Variants in MMP16 observed in about 807,000 individuals in gnomAD.
MMP16 encodes matrix metalloproteinase-16.
Under a neutral mutation model 67.8 loss-of-function variants are expected in MMP16, and 12 were observed. The observed-to-expected ratio is 0.18, with a 90% CI of 0.11 to 0.29. MMP16 has a LOEUF of 0.29. Ranked by LOEUF, MMP16 falls within the 10% of genes least tolerant of loss-of-function variation. The pLI is 1.00. For missense variants in MMP16, 475 were observed against 765.7 expected (o/e 0.62, Z 4.48); for synonymous variants, 249 against 255.9 (o/e 0.97, Z 0.26).
At chr8:88,165,845 A>C (rs886373799) in intron 4 of MMP16, among the ~76,000 whole-genome samples, 2 of 152,138 alleles carry the variant, frequency 1.3e-5, no homozygotes, top group Non-Finnish European at 2.9e-5. Context: ...GCATGTAAAC[A>C]TAAGTCTGTT....
chr8:88,089,554 T>C (rs2118339059), intron 6 of MMP16, among the ~76,000 whole-genome samples: 1 of 151,922 alleles, frequency 6.6e-6, no homozygotes. Context: ...GACATGATCA[T>C]TGAAGTAGAA....
At chr8:88,275,017 T>C (rs948436981) in intron 1 of MMP16, among the ~76,000 whole-genome samples, 1 of 151,980 alleles carries the variant, frequency 6.6e-6, no homozygotes, top group Non-Finnish European at 1.5e-5. Flanking sequence ...CAAAAGATTA[T>C]TGTCTTCTAA....
chr8:88,217,043 C>T (rs1482353304), intron 1 of MMP16, among the ~76,000 whole-genome samples: 1 of 152,008 alleles, frequency 6.6e-6, no homozygotes, highest in Non-Finnish European at 1.5e-5. Flanking sequence ...CTGTCTCTGA[C>T]TCAAACAACT....
intron 6 of MMP16, among the ~76,000 whole-genome samples, chr8:88,087,094 T>C (rs900222040): frequency 2.6e-5 from 4 of 151,822 alleles, no homozygotes; most frequent in African/African-American, 9.7e-5. Flanking sequence ...TCCCAGAAAC[T>C]CTTTCTTAGG....
At chr8:88,130,691 T>C (rs980892007) in intron 4 of MMP16, among the ~76,000 whole-genome samples, 1 of 151,606 alleles carries the variant, frequency 6.6e-6, no homozygotes, top group African/African-American at 2.4e-5. Context: ...TCAAATGTTC[T>C]GAGGAATGTT....
At chr8:88,185,319 C>T (rs1316599474) in intron 3 of MMP16, among the ~76,000 whole-genome samples, 1 of 151,908 alleles carries the variant, frequency 6.6e-6, no homozygotes, top group Non-Finnish European at 1.5e-5. Flanking sequence ...GTTAGCTGGG[C>T]ATGGTGGTGC....
chr8:88,275,078 A>G (rs1810624900), intron 1 of MMP16, among the ~76,000 whole-genome samples: 1 of 152,002 alleles, frequency 6.6e-6, no homozygotes, highest in Non-Finnish European at 1.5e-5. Context: ...CCATAGTTAA[A>G]TCAATGGTTA....
intron 1 of MMP16, among the ~76,000 whole-genome samples, chr8:88,230,208 G>A (rs1381136744): frequency 2.6e-5 from 4 of 151,966 alleles, no homozygotes; most frequent in East Asian, 1.9e-4. Context: ...TACACCCCTC[G>A]GTTTCTCATT....
At chr8:88,289,820 A>G (rs528369146) in intron 1 of MMP16, among the ~76,000 whole-genome samples, 1 of 152,088 alleles carries the variant, frequency 6.6e-6, no homozygotes, top group South Asian at 2.1e-4. Flanking sequence ...AAAAAAATTC[A>G]CAAGTGTTAG....
At chr8:88,192,664 G>A (rs1809189125) in intron 2 of MMP16, among the ~76,000 whole-genome samples, 1 of 152,102 alleles carries the variant, frequency 6.6e-6, no homozygotes, top group South Asian at 2.1e-4. Flanking sequence ...TGGCAATTTA[G>A]ACAAAAGAAT....
chr8:88,056,833 A>G (rs1808338880), intron 7 of MMP16, among the ~76,000 whole-genome samples: 1 of 152,046 alleles, frequency 6.6e-6, no homozygotes. Flanking sequence ...AACTCTATTC[A>G]TGTCTTTAAG....
intron 7 of MMP16, among the ~76,000 whole-genome samples, chr8:88,059,550 A>G (rs1808370956): frequency 6.6e-6 from 1 of 152,234 alleles, no homozygotes; most frequent in South Asian, 2.1e-4. Context: ...CATCAGAAAC[A>G]TCCTTGTTCC....
chr8:88,156,137 A>C (rs2129662735), intron 4 of MMP16, among the ~76,000 whole-genome samples: 1 of 152,268 alleles, frequency 6.6e-6, no homozygotes, highest in African/African-American at 2.4e-5. Flanking sequence ...ATCTTTGATT[A>C]AGGCTGATGA....
intron 7 of MMP16, among the ~76,000 whole-genome samples, chr8:88,061,165 CACACA>C (rs1586129105): frequency 1.4e-5 from 2 of 143,952 alleles, no homozygotes; most frequent in Non-Finnish European, 3.1e-5. Context: ...CACACACACA[CACACA>C]CCCCTCATCC....
rs1809188834 is a variant in MMP16 at position 88,103,833 on chromosome 8, A to G, written c.1083+12674T>C. Among the ~76,000 whole-genome samples the G allele has an allele frequency of 4.0e-5, 6 of 151,796 alleles. No homozygotes were observed. In the South Asian group the frequency reaches 1.2e-3, roughly 31 times the overall value. On this transcript the variant is annotated intron_variant, in intron 6 of 9. Transcript: ENST00000286614. ...CACCATAGTACCTACAAAACAGCAA[A>G]ACTGTTACATAAACAAAATAAGTGG...
intron 7 of MMP16, among the ~76,000 whole-genome samples, chr8:88,073,387 G>A (rs997934299): frequency 6.6e-6 from 1 of 152,160 alleles, no homozygotes; most frequent in Non-Finnish European, 1.5e-5. Flanking sequence ...TTTACATGTA[G>A]TAATTAATTT....
intron 1 of MMP16, among the ~76,000 whole-genome samples, chr8:88,207,996 CT>C (rs1415404163): frequency 5.3e-5 from 8 of 152,234 alleles, no homozygotes; most frequent in African/African-American, 1.9e-4. Context: ...AAAGGTTTGG[CT>C]TACAAAATGT....
intron 1 of MMP16, among the ~76,000 whole-genome samples, chr8:88,229,323 G>A (rs917876194): frequency 2.0e-5 from 3 of 151,950 alleles, no homozygotes; most frequent in Admixed American, 6.6e-5. Flanking sequence ...TGAGATGACC[G>A]CATTCAATGA....
chr8:88,222,512 A>G (rs140117075), intron 1 of MMP16, among the ~76,000 whole-genome samples: 8,919 of 152,190 alleles, frequency 0.059, 299 homozygotes, highest in African/African-American at 0.08. Flanking sequence ...AGACCAATGG[A>G]ACAGAACAGA....
Sources: allele counts gnomAD v4.1 joint callset (sites outside exome capture counted in the v4.1 genomes callset), GRCh38; gene constraint gnomAD v4.1.1; transcripts MANE v1.5; gene names NCBI Gene and HGNC (gene_info 2026-07-23, HGNC 2026-07-21).